DLG2: variants seen among roughly 807,000 people sequenced by gnomAD.
The protein encoded by DLG2 is discs large MAGUK scaffold protein 2.
In DLG2, 45 loss-of-function variants were observed where a neutral mutation model predicts 132.5. That is an observed-to-expected ratio of 0.34 (90% CI 0.27 to 0.44). The LOEUF is 0.44. DLG2 is among the 20% of genes least tolerant of loss of function. The probability of loss-of-function intolerance (pLI) is 1.00; values close to 1 mark genes in which losing one functional copy is unlikely to be tolerated. For missense variants in DLG2, 1,045 were observed against 1,196.9 expected, an observed-to-expected ratio of 0.87 and a Z score of 1.87; for synonymous variants, 424 against 419.6, an observed-to-expected ratio of 1.01 and a Z score of -0.13.
chr11:85,572,103 T>C (rs1199475512), intron 3 of DLG2, among the ~76,000 whole-genome samples: 1 of 152,170 alleles, frequency 6.6e-6, no homozygotes, highest in Non-Finnish European at 1.5e-5. Context: ...AGCTTTTGGT[T>C]AATTTCCAAA....
intron 3 of DLG2, among the ~76,000 whole-genome samples, chr11:85,331,925 A>G (rs1243819567): frequency 2.0e-5 from 3 of 152,236 alleles, no homozygotes; most frequent in Admixed American, 2.0e-4. Context: ...TACAATAAAC[A>G]TACAAGTACA....
chr11:85,505,954 G>T (rs566323239), intron 3 of DLG2, among the ~76,000 whole-genome samples: 48 of 152,216 alleles, frequency 3.2e-4, no homozygotes, highest in Non-Finnish European at 6.3e-4. Context: ...TTGGGAGGGT[G>T]TATGTGTCCA....
chr11:83,947,038 G>A (rs967398656), intron 14 of DLG2, among the ~76,000 whole-genome samples: 1 of 152,156 alleles, frequency 6.6e-6, no homozygotes, highest in Non-Finnish European at 1.5e-5. Context: ...ATTATGCAGT[G>A]AAGCCATGGA....
Position 84,448,771 on chromosome 11 carries a change from C to G in DLG2, c.519+85799G>C, listed in dbSNP as rs375130719. Among the ~76,000 whole-genome samples, 3 of 152,050 alleles carry G rather than the reference C, an allele frequency of 2.0e-5. No homozygotes were observed. In the East Asian group the frequency reaches 5.8e-4, roughly 29 times the overall value. ...ATTACTTTGAGCTTATGTTTCCCTCCGAACGCCTATGAAACACTCAAGAAA... is the reference window on the plus strand; with the variant it reads ...ATTACTTTGAGCTTATGTTTCCCTCGGAACGCCTATGAAACACTCAAGAAA... On this transcript the variant is annotated intron_variant, in intron 7 of 27. Coordinates refer to ENST00000376104, the MANE Select transcript of DLG2 (RefSeq NM_001142699.3).
At chr11:84,194,145 A>T (rs1325137349) in intron 8 of DLG2, among the ~76,000 whole-genome samples, 2 of 152,170 alleles carry the variant, frequency 1.3e-5, no homozygotes, top group Non-Finnish European at 2.9e-5. Context: ...TAATTAGGGT[A>T]ATGCTTCTCT....
rs565085348 is a variant in DLG2, at chr11:84,263,305, G to A, written c.520-12014C>T. 1.1e-3 allele frequency among the ~76,000 whole-genome samples: 160 copies of A among 152,140 alleles called. 1 individual carries two copies. Among genetic ancestry groups the A allele is most frequent in the Non-Finnish European group, 1.1e-3 (77 of 68,002 alleles). ...TTACCACTCAGACATAGAAAGTTAG[G>A]AGACAGGACATTAAGAAAAGCATGC... On this transcript the variant is annotated intron_variant, in intron 7 of 27. Transcript: ENST00000376104.
At chr11:84,185,620 T>C (rs961303739) in intron 8 of DLG2, among the ~76,000 whole-genome samples, 1 of 151,888 alleles carries the variant, frequency 6.6e-6, no homozygotes. Flanking sequence ...TGAATAGGAG[T>C]GGTGAGAGAG....
intron 7 of DLG2, among the ~76,000 whole-genome samples, chr11:84,394,658 T>C (rs1486446124): frequency 1.3e-5 from 2 of 151,402 alleles, no homozygotes; most frequent in Non-Finnish European, 2.9e-5. Context: ...AGATGGAGTC[T>C]TGCTCTGTCA....
At chr11:84,817,672 T>C (rs944913388) in intron 6 of DLG2, among the ~76,000 whole-genome samples, 3 of 152,020 alleles carry the variant, frequency 2.0e-5, no homozygotes, top group African/African-American at 7.2e-5. Context: ...ATGTATTCTC[T>C]ACAGTAATTT....
chr11:84,863,642 T>C (rs1375017379), intron 6 of DLG2, among the ~76,000 whole-genome samples: 16 of 152,030 alleles, frequency 1.1e-4, no homozygotes, highest in Admixed American at 1.0e-3. Flanking sequence ...TAGCACCAAA[T>C]GGGCTTCCAT....
At chr11:85,482,332 A>G (rs1022007382) in intron 3 of DLG2, among the ~76,000 whole-genome samples, 3 of 152,132 alleles carry the variant, frequency 2.0e-5, no homozygotes, top group Non-Finnish European at 4.4e-5. Flanking sequence ...CCCTGGCCTT[A>G]AACAGCAGGC....
intron 6 of DLG2, among the ~76,000 whole-genome samples, chr11:84,749,115 T>C (rs1597252415): frequency 6.6e-6 from 1 of 152,198 alleles, no homozygotes; most frequent in Non-Finnish European, 1.5e-5. Flanking sequence ...CCCTTATATG[T>C]TCACTAGCCT....
intron 3 of DLG2, among the ~76,000 whole-genome samples, chr11:85,427,133 G>C (rs1220851129): frequency 6.6e-6 from 1 of 152,208 alleles, no homozygotes; most frequent in Non-Finnish European, 1.5e-5. Context: ...TATGTGAAAA[G>C]ACCAAATCTA....
chr11:84,314,657 A>G (rs2098336199), intron 7 of DLG2, among the ~76,000 whole-genome samples: 1 of 152,052 alleles, frequency 6.6e-6, no homozygotes, highest in Non-Finnish European at 1.5e-5. Flanking sequence ...GATATACTCT[A>G]GGACAGAAAA....
At chr11:83,824,863 T>C (rs1429570089) in intron 17 of DLG2, among the ~76,000 whole-genome samples, 4 of 152,092 alleles carry the variant, frequency 2.6e-5, no homozygotes, top group Non-Finnish European at 1.5e-5. Flanking sequence ...AGTCTGATGT[T>C]AAGTACATGG....
chr11:84,426,429 G>T (rs542715825), intron 7 of DLG2, among the ~76,000 whole-genome samples: 19 of 152,222 alleles, frequency 1.2e-4, no homozygotes, highest in African/African-American at 4.3e-4. Flanking sequence ...TGAAATCCTG[G>T]CATTAGGACA....
At chr11:84,901,052 GAATAA>G (rs1353434181) in intron 6 of DLG2, among the ~76,000 whole-genome samples, 2 of 151,818 alleles carry the variant, frequency 1.3e-5, no homozygotes, top group Middle Eastern at 3.2e-3. Flanking sequence ...ATAAAAGGTA[GAATAA>G]AATGTTTTTA....
intron 18 of DLG2, among the ~76,000 whole-genome samples, chr11:83,661,558 A>AT (rs553174904): frequency 6.6e-5 from 10 of 151,744 alleles, no homozygotes; most frequent in Non-Finnish European, 1.2e-4. Context: ...TATAATATTA[A>AT]TTTTTTTTTG....
intron 6 of DLG2, among the ~76,000 whole-genome samples, chr11:84,710,046 A>C (rs1015588410): frequency 6.6e-6 from 1 of 151,956 alleles, no homozygotes; most frequent in African/African-American, 2.4e-5. Context: ...ATCTGATATT[A>C]GTTGTACTTA....
Sources: gnomAD v4.1 joint callset for allele counts (sites outside exome capture counted in the v4.1 genomes callset) on GRCh38, gnomAD v4.1.1 for gene constraint, MANE v1.5 for transcripts, NCBI Gene and HGNC (gene_info 2026-07-23, HGNC 2026-07-21) for gene names.